DOCK2: variants seen among roughly 807,000 people sequenced by gnomAD.
DOCK2 encodes dedicator of cytokinesis 2, also known as dedicator of cytokinesis protein 2.
DOCK2 carries 87 observed loss-of-function variants against 248.9 expected under a neutral mutation model. The ratio of observed to expected loss-of-function variants is 0.35; its 90% confidence interval spans 0.29 to 0.42. The LOEUF (loss-of-function observed/expected upper bound fraction) is 0.42, where lower values mean the gene tolerates loss of function less well. Ranked by LOEUF, DOCK2 falls within the 10% of genes least tolerant of loss-of-function variation. The pLI is 1.00. For missense variants in DOCK2, 1,747 were observed against 2,300.2 expected (o/e 0.76, Z 4.92); for synonymous variants, 805 against 821.6 (o/e 0.98, Z 0.35).
chr5:169,751,941 T>C (rs1763915723), intron 23 of DOCK2, among the ~76,000 whole-genome samples: 1 of 152,100 alleles, frequency 6.6e-6, no homozygotes, highest in Non-Finnish European at 1.5e-5. Context: ...CATGTATTCA[T>C]AGTGCTGGAG....
rs555101222 is a variant in DOCK2, at chr5:169,944,468, G to A, written c.2800-38600G>A. On this transcript the variant is annotated intron_variant, in intron 27 of 51. Transcript: ENST00000520908. ...CTCTGGAGAGATGCTGAAGGAGGCA[G>A]GAGATTTGGAAAGGGAGGGAGGGAG... Among the ~76,000 whole-genome samples the A allele has an allele frequency of 2.6e-5, 4 of 152,338 alleles. No individual in the cohort carries two copies. The South Asian group carries it at 8.3e-4, about 32-fold the overall frequency.
intron 17 of DOCK2, among the ~76,000 whole-genome samples, chr5:169,713,237 G>A (rs1371642359): frequency 6.6e-6 from 1 of 152,216 alleles, no homozygotes; most frequent in African/African-American, 2.4e-5. Context: ...AGGCCTAGTT[G>A]CAGTCAATTT....
At chr5:169,650,268 C>G (rs374255892) in intron 1 of DOCK2, among the ~76,000 whole-genome samples, 1 of 152,132 alleles carries the variant, frequency 6.6e-6, no homozygotes, top group South Asian at 2.1e-4. Context: ...ATATACTTGG[C>G]ATTTAAAATG....
intron 26 of DOCK2, among the ~76,000 whole-genome samples, chr5:169,814,740 T>A (rs1455976930): frequency 6.6e-6 from 1 of 151,896 alleles, no homozygotes; most frequent in Non-Finnish European, 1.5e-5. Flanking sequence ...TACTCACTTA[T>A]GAAGAATGAG....
At chr5:169,694,661 T>A (rs1246438560) in intron 9 of DOCK2, among the ~76,000 whole-genome samples, 1 of 152,040 alleles carries the variant, frequency 6.6e-6, no homozygotes, top group Non-Finnish European at 1.5e-5. Flanking sequence ...TGGATGAGAG[T>A]GCGTTTCACC....
At chr5:169,750,708 T>G (rs77219439) in intron 23 of DOCK2, among the ~76,000 whole-genome samples, 548 of 152,348 alleles carry the variant, frequency 3.6e-3, no homozygotes, top group Non-Finnish European at 5.6e-3. Context: ...CTTTTTCAAT[T>G]TGCTCTAAGG....
At chr5:169,725,466 A>G (rs929724021) in intron 22 of DOCK2, among the ~76,000 whole-genome samples, 2 of 151,806 alleles carry the variant, frequency 1.3e-5, no homozygotes, top group Admixed American at 6.6e-5. Context: ...GTGCATATGC[A>G]TGAGCTGTTT....
chr5:169,913,675 T>C (rs549313622), intron 27 of DOCK2, among the ~76,000 whole-genome samples: 3 of 151,850 alleles, frequency 2.0e-5, no homozygotes, highest in Non-Finnish European at 4.4e-5. Context: ...CACTTTGTTG[T>C]GAAATTCAGT....
intron 25 of DOCK2, among the ~76,000 whole-genome samples, chr5:169,802,160 A>G (rs1767037453): frequency 6.6e-6 from 1 of 151,960 alleles, no homozygotes; most frequent in Non-Finnish European, 1.5e-5. Flanking sequence ...AAAAGTTTTA[A>G]TTTCTTTCTT....
chr5:169,868,476 A>G (rs1771734773), intron 27 of DOCK2, among the ~76,000 whole-genome samples: 1 of 152,228 alleles, frequency 6.6e-6, no homozygotes, highest in Non-Finnish European at 1.5e-5. Flanking sequence ...TAATAAAAAT[A>G]GGCTGGGCGC....
chr5:170,042,630 C>A (rs1426796670), intron 38 of DOCK2, among the ~76,000 whole-genome samples: 1 of 152,176 alleles, frequency 6.6e-6, no homozygotes, highest in Non-Finnish European at 1.5e-5. Flanking sequence ...TTGCTTTTCC[C>A]AGCTGGAAGC....
chr5:169,646,225 A>C lies in DOCK2; in HGVS notation c.44-8178A>C, dbSNP rs1757454105. On this transcript the variant is annotated intron_variant, in intron 1 of 51. Transcript: ENST00000520908. ...CCTTATTCCATTGCTTCTTTTTGTC[A>C]GGTTTGTCGAAGATCAGGTGGTTGT... Among the ~76,000 whole-genome samples the C allele has an allele frequency of 2.0e-5, 3 of 152,142 alleles. No individual in the cohort carries two copies. In the South Asian group the frequency reaches 6.2e-4, roughly 32 times the overall value.
intron 26 of DOCK2, among the ~76,000 whole-genome samples, chr5:169,837,790 T>C (rs534407850): frequency 3.9e-5 from 6 of 152,276 alleles, no homozygotes; most frequent in African/African-American, 1.4e-4. Context: ...AACACTCTGC[T>C]ATGCAACCTC....
chr5:169,784,751 A>T (rs1307280346), intron 25 of DOCK2, among the ~76,000 whole-genome samples: 2 of 152,336 alleles, frequency 1.3e-5, no homozygotes, highest in East Asian at 3.9e-4. Flanking sequence ...GATTGTTATG[A>T]TATCTTCCAT....
intron 50 of DOCK2, 83 bp downstream of exon 50, chr5:170,080,366 G>A: frequency 2.5e-6 from 4 of 1,577,722 alleles, no homozygotes; most frequent in Non-Finnish European, 3.4e-6. Flanking sequence ...GATGGGAACT[G>A]TGTCTACACA....
chr5:169,931,669 G>A (rs565775291), intron 27 of DOCK2, among the ~76,000 whole-genome samples: 1 of 152,332 alleles, frequency 6.6e-6, no homozygotes, highest in East Asian at 1.9e-4. Context: ...GCTGCTGTGT[G>A]AGATGGTGGT....
rs190283098 is a variant in DOCK2, at chr5:169,687,976, G to A, written c.762-1276G>A. ...AGTCTCCCTTTTCACCCAGACTGGA[G>A]TGCAGTGGCATGACCTCAGCTCACT... On this transcript the variant is annotated intron_variant, in intron 8 of 51. Transcript: ENST00000520908. Among the ~76,000 whole-genome samples the A allele has an allele frequency of 1.9e-3, 296 of 152,214 alleles. 1 individual carries two copies. Among genetic ancestry groups the A allele is most frequent in the African/African-American group, 6.7e-3 (280 of 41,522 alleles).
chr5:169,647,749 C>T (rs1581376735), intron 1 of DOCK2, among the ~76,000 whole-genome samples: 1 of 152,120 alleles, frequency 6.6e-6, no homozygotes, highest in Non-Finnish European at 1.5e-5. Context: ...AGTCTCTGCC[C>T]CTCCCTCTCC....
chr5:169,857,703 A>G lies in DOCK2; in HGVS notation c.2799+16851A>G, dbSNP rs539345248. 2.9e-4 allele frequency among the ~76,000 whole-genome samples: 44 copies of G among 152,018 alleles called. 2 individuals are homozygous for G. The South Asian group carries it at 9.2e-3, about 32-fold the overall frequency. ...TCAGGGACTTAAGTCTCTCTTTGAGAAGACTGGTTATTTGTTCTGGGAACA... is the reference window on the plus strand; with the variant it reads ...TCAGGGACTTAAGTCTCTCTTTGAGGAGACTGGTTATTTGTTCTGGGAACA... On this transcript the variant is annotated intron_variant, in intron 27 of 51. Transcript: ENST00000520908.
Sources: gnomAD v4.1 joint callset for allele counts (sites outside exome capture counted in the v4.1 genomes callset) on GRCh38, gnomAD v4.1.1 for gene constraint, MANE v1.5 for transcripts, NCBI Gene and HGNC (gene_info 2026-07-23, HGNC 2026-07-21) for gene names.